SGCD: variants seen among roughly 807,000 people sequenced by gnomAD.
The protein encoded by SGCD is delta-sarcoglycan.
SGCD carries 18 observed loss-of-function variants against 36.6 expected under a neutral mutation model. The ratio of observed to expected loss-of-function variants is 0.49; its 90% CI spans 0.34 to 0.73. The LOEUF (loss-of-function observed/expected upper bound fraction) is 0.73. SGCD is among the 30% of genes least tolerant of loss of function. SGCD has a pLI of 0.01. For missense variants in SGCD, 387 were observed against 346.7 expected, an observed-to-expected ratio of 1.12 and a Z score of -0.92; for synonymous variants, 133 against 130.6, an observed-to-expected ratio of 1.02 and a Z score of -0.12.
intron 1 of SGCD, among the ~76,000 whole-genome samples, chr5:155,922,709 G>C (rs1400447991): frequency 6.6e-6 from 1 of 152,102 alleles, no homozygotes; most frequent in Non-Finnish European, 1.5e-5. Flanking sequence ...CAGCTCTGGG[G>C]ATGCTTATTT....
In SGCD at chr5:156,420,454, G is replaced by T. The variant is rs139091497; in HGVS notation, c.192+75777G>T. ...ATTAGGAGCTTCGGGAATATTGGAAGAATTCTGTAGAATATACCAAATAAT... is the reference window on the plus strand; with the variant it reads ...ATTAGGAGCTTCGGGAATATTGGAATAATTCTGTAGAATATACCAAATAAT... On this transcript the variant is annotated intron_variant, in intron 3 of 8. Transcript: ENST00000337851. Among the ~76,000 whole-genome samples the T allele has an allele frequency of 5.9e-5, 9 of 152,244 alleles. No homozygotes were observed. The East Asian group carries it at 1.5e-3, about 26-fold the overall frequency.
intron 7 of SGCD, among the ~76,000 whole-genome samples, chr5:156,708,408 G>A (rs1754835155): frequency 6.6e-6 from 1 of 152,032 alleles, no homozygotes; most frequent in Non-Finnish European, 1.5e-5. Flanking sequence ...TTTTGGTTTT[G>A]GTCAAGGTGA....
chr5:156,709,581 G>C (rs1754893477), intron 7 of SGCD, among the ~76,000 whole-genome samples: 1 of 152,174 alleles, frequency 6.6e-6, no homozygotes, highest in Admixed American at 6.5e-5. Flanking sequence ...ATATGAAAAG[G>C]ATTAAAATAA....
chr5:155,939,790 G>A (rs1757286959), intron 1 of SGCD, among the ~76,000 whole-genome samples: 1 of 151,382 alleles, frequency 6.6e-6, no homozygotes, highest in Admixed American at 6.6e-5. Context: ...TCTATCTGAA[G>A]AGACTCTTAT....
chr5:156,539,412 T>C lies in SGCD; in HGVS notation c.294+30710T>C, dbSNP rs192500908. Among the ~76,000 whole-genome samples, 295 of 151,510 alleles carry C rather than the reference T, an allele frequency of 1.9e-3. 2 individuals are homozygous for C. Among genetic ancestry groups the C allele is most frequent in the African/African-American group, 7.0e-3 (288 of 41,338 alleles). ...TGTAGTCTTCTATCCCTCACCCCCT[T>C]CCATCCTTTCCCCCAAGTCCCAAAA... On this transcript the variant is annotated intron_variant, in intron 4 of 8. Coordinates refer to ENST00000337851, the MANE Select transcript of SGCD (RefSeq NM_000337.6).
At chr5:156,558,088 A>AATATATATATATATATATATATATATAT (rs67339181) in intron 4 of SGCD, among the ~76,000 whole-genome samples, 1 of 95,574 alleles carries the variant, frequency 1.0e-5, no homozygotes, top group African/African-American at 3.9e-5. Context: ...AGTAAATACA[A>AATATATATATATATATATATATATATAT]ATATATATAT....
At chr5:156,186,349 C>T (rs539020092) in intron 3 of SGCD, among the ~76,000 whole-genome samples, 1 of 152,222 alleles carries the variant, frequency 6.6e-6, no homozygotes, top group Non-Finnish European at 1.5e-5. Flanking sequence ...TGCTATGATA[C>T]TGTTGTTGCC....
intron 1 of SGCD, among the ~76,000 whole-genome samples, chr5:156,076,353 T>C (rs1211270376): frequency 1.3e-5 from 2 of 152,190 alleles, no homozygotes; most frequent in Admixed American, 6.5e-5. Flanking sequence ...GGAATAATCC[T>C]CATTTTCACT....
intron 3 of SGCD, among the ~76,000 whole-genome samples, chr5:156,182,552 G>A (rs998442115): frequency 4.6e-5 from 7 of 152,246 alleles, no homozygotes; most frequent in South Asian, 4.1e-4. Context: ...AGCTGAGATC[G>A]TGCAGCTGCA....
intron 3 of SGCD, among the ~76,000 whole-genome samples, chr5:156,319,528 A>G (rs6875001): frequency 0.37 from 56,262 of 152,104 alleles, 11,542 homozygotes; most frequent in African/African-American, 0.56. Flanking sequence ...CTTAAGAAGA[A>G]GTAAGGAGAG....
At chr5:156,039,513 G>T (rs181555366) in intron 1 of SGCD, among the ~76,000 whole-genome samples, 1 of 152,092 alleles carries the variant, frequency 6.6e-6, no homozygotes, top group Non-Finnish European at 1.5e-5. Flanking sequence ...GATTGCTAGG[G>T]TCTAATAAAG....
At chr5:156,708,081 G>A (rs779750690) in intron 7 of SGCD, among the ~76,000 whole-genome samples, 15 of 152,028 alleles carry the variant, frequency 9.9e-5, no homozygotes, top group Non-Finnish European at 1.6e-4. Context: ...GGGGTTACTT[G>A]GTGTTACTTG....
intron 1 of SGCD, among the ~76,000 whole-genome samples, chr5:155,918,310 C>T (rs1435109884): frequency 6.6e-6 from 1 of 152,180 alleles, no homozygotes; most frequent in Non-Finnish European, 1.5e-5. Context: ...CGCCTGTAAT[C>T]CCAGCACTTT....
chr5:156,521,576 G>A (rs541935880), intron 4 of SGCD, among the ~76,000 whole-genome samples: 17 of 152,232 alleles, frequency 1.1e-4, no homozygotes, highest in South Asian at 2.1e-4. Context: ...GATGCATGTC[G>A]CCAACAAATG....
At chr5:156,400,598 G>T (rs1351605626) in intron 3 of SGCD, among the ~76,000 whole-genome samples, 1 of 152,158 alleles carries the variant, frequency 6.6e-6, no homozygotes, top group Non-Finnish European at 1.5e-5. Context: ...AAATGAATTT[G>T]AACACAACTT....
chr5:155,894,655 A>G (rs1756208609), intron 1 of SGCD, among the ~76,000 whole-genome samples: 1 of 152,118 alleles, frequency 6.6e-6, no homozygotes, highest in Non-Finnish European at 1.5e-5. Context: ...AGATTCTCAA[A>G]GGAACATGAA....
chr5:155,859,223 T>A, the SGCD span, among the ~76,000 whole-genome samples: 1 of 151,638 alleles, frequency 6.6e-6, no homozygotes, highest in South Asian at 2.1e-4. Flanking sequence ...CTGGCTAATT[T>A]TTATTATTAT....
chr5:156,750,659 AAAAG>A (rs1168245145), intron 7 of SGCD, among the ~76,000 whole-genome samples: 2 of 152,022 alleles, frequency 1.3e-5, no homozygotes, highest in African/African-American at 2.4e-5. Context: ...AAAAAAAAAA[AAAAG>A]AAAAATATAA....
At chr5:155,736,941 AGAAGG>A in the SGCD span, among the ~76,000 whole-genome samples, 1 of 152,220 alleles carries the variant, frequency 6.6e-6, no homozygotes, top group Admixed American at 6.5e-5. Flanking sequence ...AAAGCAATGT[AGAAGG>A]GCAGGAGGAA....
Sources: allele counts gnomAD v4.1 joint callset (sites outside exome capture counted in the v4.1 genomes callset), GRCh38; gene constraint gnomAD v4.1.1; transcripts MANE v1.5; gene names NCBI Gene and HGNC (gene_info 2026-07-23, HGNC 2026-07-21).